MSI2: variants seen among roughly 807,000 people sequenced by gnomAD.
MSI2 encodes the protein RNA-binding protein Musashi homolog 2.
MSI2 carries 17 observed loss-of-function variants against 45.6 expected under a neutral mutation model. That is an observed-to-expected ratio of 0.37 (90% CI 0.26 to 0.56). The LOEUF (loss-of-function observed/expected upper bound fraction) is 0.56. Among genes scored for constraint, MSI2 ranks in the 20% least tolerant of loss-of-function variants. MSI2 has a pLI of 0.77. For synonymous variants in MSI2, 156 were observed against 158.2 expected, an observed-to-expected ratio of 0.99 and a Z score of 0.11; for missense variants, 293 against 444.2, an observed-to-expected ratio of 0.66 and a Z score of 3.06.
rs145976147 is a variant in MSI2 at position 57,298,688 on chromosome 17, G to T, written c.312+36496G>T. Among the ~76,000 whole-genome samples the T allele has an allele frequency of 6.1e-4, 93 of 152,286 alleles. 1 individual carries two copies. In the East Asian group the frequency reaches 0.018, roughly 29 times the overall value. ...AAAAAAAGAGATGTGCTATCATCCAGGCTTTGTTGTTCAAATTTATAGAGC... is the reference window on the plus strand; with the variant it reads ...AAAAAAAGAGATGTGCTATCATCCATGCTTTGTTGTTCAAATTTATAGAGC... On this transcript the variant is annotated intron_variant, in intron 5 of 13. Transcript: ENST00000284073.
chr17:57,416,922 G>A (rs1181248656), intron 6 of MSI2, among the ~76,000 whole-genome samples: 1 of 152,240 alleles, frequency 6.6e-6, no homozygotes, highest in Non-Finnish European at 1.5e-5. Flanking sequence ...TAGGTATTAA[G>A]CACCATGATG....
At chr17:57,477,330 G>C (rs2085561052) in intron 6 of MSI2, among the ~76,000 whole-genome samples, 1 of 152,130 alleles carries the variant, frequency 6.6e-6, no homozygotes, top group South Asian at 2.1e-4. Flanking sequence ...AATGGATTCA[G>C]CATCTGGCAG....
chr17:57,519,289 C>T (rs535913754), intron 6 of MSI2, among the ~76,000 whole-genome samples: 24 of 152,222 alleles, frequency 1.6e-4, no homozygotes, highest in African/African-American at 5.8e-4. Flanking sequence ...GAGGGGATTG[C>T]CAGGATGGGG....
chr17:57,578,478 G>T (rs867946282), intron 7 of MSI2, among the ~76,000 whole-genome samples: 9 of 151,668 alleles, frequency 5.9e-5, no homozygotes, highest in Admixed American at 2.6e-4. Flanking sequence ...TGCCAGGACT[G>T]GGGGGGTAGG....
intron 5 of MSI2, among the ~76,000 whole-genome samples, chr17:57,347,672 G>A (rs1276369787): frequency 6.6e-6 from 1 of 152,192 alleles, no homozygotes; most frequent in Non-Finnish European, 1.5e-5. Context: ...CCCCCTGAAA[G>A]CAAAGAAGTG....
chr17:57,451,793 A>G (rs984051905), intron 6 of MSI2, among the ~76,000 whole-genome samples: 3 of 152,182 alleles, frequency 2.0e-5, no homozygotes, highest in African/African-American at 7.2e-5. Flanking sequence ...TCCTCCTCAC[A>G]TCCTTGTGAA....
At chr17:57,631,088 C>T (rs1437956494) in intron 10 of MSI2, 2 of 152,368 alleles carry the variant, frequency 1.3e-5, no homozygotes, top group Non-Finnish European at 2.9e-5. Context: ...TCAGTGTCCT[C>T]ACTGTATGCC....
intron 6 of MSI2, among the ~76,000 whole-genome samples, chr17:57,445,516 G>C (rs1041487760): frequency 5.3e-5 from 8 of 149,716 alleles, no homozygotes; most frequent in Non-Finnish European, 8.9e-5. Context: ...TGTTTTTTTG[G>C]TGGTTAGGGG....
At chr17:57,556,560 C>T (rs2087440207) in intron 7 of MSI2, among the ~76,000 whole-genome samples, 1 of 152,198 alleles carries the variant, frequency 6.6e-6, no homozygotes, top group Non-Finnish European at 1.5e-5. Flanking sequence ...TCACAGCCTC[C>T]TGTCACTGGA....
At chr17:57,602,109 T>C (rs574200616) in intron 8 of MSI2, 15 of 152,352 alleles carry the variant, frequency 9.8e-5, no homozygotes, top group Admixed American at 3.9e-4. Context: ...AAATCAACTT[T>C]GTCCAACCCA....
chr17:57,299,863 G>A (rs945209814), intron 5 of MSI2, among the ~76,000 whole-genome samples: 1 of 152,136 alleles, frequency 6.6e-6, no homozygotes, highest in African/African-American at 2.4e-5. Context: ...ATAAAGCAAG[G>A]CACAATGAAA....
intron 8 of MSI2, chr17:57,601,572 A>G (rs1370194325): frequency 1.3e-5 from 2 of 152,552 alleles, no homozygotes; most frequent in Non-Finnish European, 2.9e-5. Flanking sequence ...CGAGCCGGGC[A>G]GCAGCAGGAA....
intron 6 of MSI2, among the ~76,000 whole-genome samples, chr17:57,445,974 T>C (rs1225311922): frequency 4.0e-5 from 6 of 151,836 alleles, no homozygotes; most frequent in Non-Finnish European, 5.9e-5. Context: ...CTGTTCCGGG[T>C]ATTGGGGATA....
rs764511003 is a variant in MSI2, at chr17:57,657,613, G to T, written c.790+5452G>T. On this transcript the variant is annotated intron_variant, in intron 11 of 13. Coordinates refer to ENST00000284073, the MANE Select transcript of MSI2 (RefSeq NM_138962.4). ...ATAAATAGTTTAACTTGAACCAGAA[G>T]AGAAAATGCTTTAGGGAGGAGAATA... 4.9e-4 allele frequency among the ~76,000 whole-genome samples: 75 copies of T among 152,316 alleles called. 1 individual carries two copies. The highest frequency in any genetic ancestry group is 9.0e-4 in the Non-Finnish European group (61 of 68,022).
At chr17:57,469,667 G>A (rs1946724952) in intron 6 of MSI2, among the ~76,000 whole-genome samples, 2 of 152,236 alleles carry the variant, frequency 1.3e-5, no homozygotes, top group African/African-American at 4.8e-5. Context: ...GGGGGAGAGA[G>A]AAGGGTTGGT....
intron 6 of MSI2, among the ~76,000 whole-genome samples, chr17:57,459,187 T>A (rs1357596514): frequency 2.6e-5 from 4 of 152,196 alleles, no homozygotes. Flanking sequence ...TAAGTGTTTC[T>A]CACACACATC....
At chr17:57,468,245 G>A (rs144712918) in intron 6 of MSI2, among the ~76,000 whole-genome samples, 1 of 150,514 alleles carries the variant, frequency 6.6e-6, no homozygotes, top group African/African-American at 2.4e-5. Flanking sequence ...AAGCAGTGGC[G>A]GCCCAGTACG....
At chr17:57,551,115 A>C (rs1037322430) in intron 7 of MSI2, among the ~76,000 whole-genome samples, 2 of 152,096 alleles carry the variant, frequency 1.3e-5, no homozygotes, top group Non-Finnish European at 2.9e-5. Flanking sequence ...GTGGCTTAGA[A>C]CTCACATAAT....
chr17:57,535,135 G>T (rs564853484), intron 7 of MSI2, among the ~76,000 whole-genome samples: 3 of 152,238 alleles, frequency 2.0e-5, no homozygotes, highest in Non-Finnish European at 4.4e-5. Context: ...TCTCTCTCCA[G>T]TGTCCCCACA....
Sources: allele counts gnomAD v4.1 joint callset (sites outside exome capture counted in the v4.1 genomes callset), GRCh38; gene constraint gnomAD v4.1.1; transcripts MANE v1.5; gene names NCBI Gene and HGNC (gene_info 2026-07-23, HGNC 2026-07-21).